Variants in XRCC4 observed in about 807,000 individuals in gnomAD.
XRCC4 encodes the protein DNA repair protein XRCC4.
A neutral mutation model predicts 39.1 loss-of-function variants in XRCC4; 28 were observed. That is an observed-to-expected ratio of 0.72 (90% CI 0.53 to 0.98). The LOEUF (loss-of-function observed/expected upper bound fraction) is 0.98. XRCC4 is among the 50% of genes least tolerant of loss of function. XRCC4 has a pLI of 0.00. For missense variants in XRCC4, 350 were observed against 376.4 expected, an observed-to-expected ratio of 0.93 and a Z score of 0.58; for synonymous variants, 123 against 126.4, an observed-to-expected ratio of 0.97 and a Z score of 0.18.
chr5:83,300,580 CTT>C (rs70973390), intron 7 of XRCC4, among the ~76,000 whole-genome samples: 2 of 122,084 alleles, frequency 1.6e-5, no homozygotes, highest in African/African-American at 3.1e-5. Flanking sequence ...GTGTGTGTCC[CTT>C]TTTTTTTTTT....
intron 3 of XRCC4, among the ~76,000 whole-genome samples, chr5:83,176,696 C>T (rs994077857): frequency 4.0e-5 from 6 of 151,170 alleles, no homozygotes; most frequent in African/African-American, 1.5e-4. Context: ...GATCTTGGCT[C>T]ACTGCAGCCT....
intron 3 of XRCC4, among the ~76,000 whole-genome samples, chr5:83,157,828 G>A (rs1029290698): frequency 1.3e-5 from 2 of 152,030 alleles, no homozygotes; most frequent in Non-Finnish European, 2.9e-5. Context: ...AGAGTTCCAG[G>A]AAGAGGAAAA....
intron 7 of XRCC4, among the ~76,000 whole-genome samples, chr5:83,341,137 G>A (rs141720750): frequency 7.5e-4 from 114 of 151,588 alleles, no homozygotes; most frequent in African/African-American, 2.7e-3. Context: ...GAAAACCTAG[G>A]TTAAACAAGG....
intron 7 of XRCC4, among the ~76,000 whole-genome samples, chr5:83,314,614 G>C (rs921331853): frequency 2.2e-4 from 33 of 152,060 alleles, no homozygotes; most frequent in Admixed American, 1.5e-3. Flanking sequence ...AAAGCATGTG[G>C]TCACTTTGTG....
intron 1 of XRCC4, among the ~76,000 whole-genome samples, chr5:83,100,344 G>A (rs561360604): frequency 1.4e-4 from 22 of 152,166 alleles, no homozygotes; most frequent in African/African-American, 5.1e-4. Flanking sequence ...TCTTAAAACT[G>A]ATCCCCAGAT....
intron 3 of XRCC4, among the ~76,000 whole-genome samples, chr5:83,164,032 A>T (rs1351211028): frequency 6.6e-6 from 1 of 152,224 alleles, no homozygotes; most frequent in Non-Finnish European, 1.5e-5. Flanking sequence ...GAACTGCTAT[A>T]GTAGAGGGCA....
At chr5:83,250,302 T>G (rs1753257375) in intron 6 of XRCC4, among the ~76,000 whole-genome samples, 1 of 152,234 alleles carries the variant, frequency 6.6e-6, no homozygotes, top group Non-Finnish European at 1.5e-5. Flanking sequence ...AATGTTTTTC[T>G]TTTCTTAATG....
At chr5:83,303,475 T>C (rs1442149318) in intron 7 of XRCC4, among the ~76,000 whole-genome samples, 1 of 152,126 alleles carries the variant, frequency 6.6e-6, no homozygotes, top group Admixed American at 6.5e-5. Context: ...AATGAATGCT[T>C]TTATTATGAG....
intron 3 of XRCC4, among the ~76,000 whole-genome samples, chr5:83,152,173 A>G (rs942884432): frequency 2.0e-5 from 3 of 152,266 alleles, no homozygotes; most frequent in Non-Finnish European, 4.4e-5. Context: ...TGTTAATTCC[A>G]TTGTTGTTAA....
chr5:83,237,278 T>G (rs1053981172), intron 6 of XRCC4, among the ~76,000 whole-genome samples: 2 of 152,082 alleles, frequency 1.3e-5, no homozygotes, highest in African/African-American at 4.8e-5. Flanking sequence ...ATTGCAACAC[T>G]GTTCACAATA....
chr5:83,138,220 C>T (rs2112508359), intron 3 of XRCC4, among the ~76,000 whole-genome samples: 1 of 152,238 alleles, frequency 6.6e-6, no homozygotes, highest in East Asian at 1.9e-4. Context: ...ATAGTCAGAG[C>T]ACACATTATA....
the XRCC4 span, among the ~76,000 whole-genome samples, chr5:83,365,791 C>T: frequency 6.6e-6 from 1 of 152,300 alleles, no homozygotes; most frequent in East Asian, 1.9e-4. Flanking sequence ...TTTCTTCAGA[C>T]CAATTACAAC....
At chr5:83,213,720 A>G (rs962060363) in intron 6 of XRCC4, among the ~76,000 whole-genome samples, 1 of 152,148 alleles carries the variant, frequency 6.6e-6, no homozygotes, top group Non-Finnish European at 1.5e-5. Context: ...TGTGAGGCCG[A>G]TATTATCATA....
intron 7 of XRCC4, among the ~76,000 whole-genome samples, chr5:83,279,191 A>T (rs1754450754): frequency 6.6e-6 from 1 of 151,138 alleles, no homozygotes; most frequent in Non-Finnish European, 1.5e-5. Context: ...TGCTGGATAC[A>T]TATCAATCAA....
At chr5:83,304,548 A>T (rs958898274) in intron 7 of XRCC4, among the ~76,000 whole-genome samples, 1 of 152,246 alleles carries the variant, frequency 6.6e-6, no homozygotes, top group African/African-American at 2.4e-5. Flanking sequence ...TATTTTATTG[A>T]TGTATAGAAT....
intron 1 of XRCC4, among the ~76,000 whole-genome samples, chr5:83,078,706 A>G (rs1350596789): frequency 6.6e-6 from 1 of 152,226 alleles, no homozygotes; most frequent in Non-Finnish European, 1.5e-5. Context: ...CAAATTAGCA[A>G]GTATTTACTG....
At chr5:83,263,774 A>C (rs548481573) in intron 7 of XRCC4, among the ~76,000 whole-genome samples, 13 of 150,506 alleles carry the variant, frequency 8.6e-5, no homozygotes, top group South Asian at 4.2e-4. Context: ...GGTTGCGAAA[A>C]TTTTCTCCCA....
chr5:83,177,518 G>A (rs551786938), intron 3 of XRCC4, among the ~76,000 whole-genome samples: 20 of 150,630 alleles, frequency 1.3e-4, no homozygotes, highest in Admixed American at 5.3e-4. Flanking sequence ...ATTGAGAAAC[G>A]TGATGAACAA....
chr5:83,160,118 T>C (rs534996158), intron 3 of XRCC4, among the ~76,000 whole-genome samples: 1 of 152,318 alleles, frequency 6.6e-6, no homozygotes, highest in Admixed American at 6.5e-5. Flanking sequence ...GAATCTTATC[T>C]TCCAAATTTT....
Sources: allele counts gnomAD v4.1 joint callset (sites outside exome capture counted in the v4.1 genomes callset), GRCh38; gene constraint gnomAD v4.1.1; transcripts MANE v1.5; gene names NCBI Gene and HGNC (gene_info 2026-07-23, HGNC 2026-07-21).